The following DNMBP variants were observed in gnomAD, a reference collection of about 807,000 sequenced individuals.
DNMBP encodes the protein dynamin binding protein.
In DNMBP, 87 loss-of-function variants were observed where a neutral mutation model predicts 150.0. That is an observed-to-expected ratio of 0.58 (90% CI 0.49 to 0.69). The LOEUF (loss-of-function observed/expected upper bound fraction) is 0.69. Ranked by LOEUF, DNMBP falls within the 30% of genes least tolerant of loss-of-function variation. The pLI, the probability that DNMBP is intolerant of heterozygous loss-of-function variation, is 0.00. For synonymous variants in DNMBP, 711 were observed against 750.4 expected (o/e 0.95, Z 0.86); for missense variants, 1,774 against 1,949.0 (o/e 0.91, Z 1.69).
intron 15 of DNMBP, 31 bp downstream of exon 15, chr10:99,883,980 G>T: frequency 1.3e-6 from 2 of 1,581,666 alleles, no homozygotes; most frequent in Admixed American, 1.8e-5. Context: ...TTTTTTTCCA[G>T]TTACAGTCCT....
intron 4 of DNMBP, chr10:99,931,040 G>C (rs1020795978): frequency 5.9e-6 from 2 of 340,454 alleles, no homozygotes; most frequent in Admixed American, 4.7e-5. Flanking sequence ...GCTTTGTTTG[G>C]TGTTTCCCTC....
chr10:99,893,703 G>A (rs922443153), intron 11 of DNMBP, among the ~76,000 whole-genome samples: 3 of 152,182 alleles, frequency 2.0e-5, no homozygotes, highest in African/African-American at 7.2e-5. Context: ...CTCTAGCCTG[G>A]CGAGAGTGAG....
Position 99,955,236 on chromosome 10 carries a change from A to G in DNMBP, c.2238T>C (p.Asn746=), listed in dbSNP as rs1417050518. ...KFCESNIESL[N]MELQQLREMT... ...TACCTCTTAGTTGCTGGAGTTCCAT[A>G]TTCAAACTTTCAATGTTACTTTCAC... The change falls in exon 4 of 17, where the codon AAT becomes AAC. Residue 746 remains asparagine (N), a synonymous_variant. Coordinates refer to ENST00000324109, the MANE Select transcript of DNMBP (RefSeq NM_015221.4). The G allele has an allele frequency of 6.2e-7, 1 of 1,613,546 alleles. No homozygotes were observed. Among genetic ancestry groups the G allele is most frequent in the Non-Finnish European group, 8.5e-7 (1 of 1,179,746 alleles).
In DNMBP at chr10:99,877,087, GCCGCCAGAACCCT is replaced by G; in HGVS notation, c.*51_*63del. 3 of 1,384,636 alleles carry G rather than the reference GCCGCCAGAACCCT, an allele frequency of 2.2e-6. No individual in the cohort carries two copies. Among genetic ancestry groups the G allele is most frequent in the Admixed American group, 2.6e-5 (1 of 39,000 alleles). 85.8% of individuals were successfully genotyped at this position (1,384,636 alleles called of 1,614,324 possible). A position where few individuals can be genotyped will look rare whatever the true frequency, so the allele number is the denominator to read the frequency against. On this transcript the variant is annotated 3_prime_UTR_variant, in exon 17 of 17. Transcript: ENST00000324109. ...TCAGGAGCAGGCGCCCTCTCGGTGGGCCGCCAGAACCCTCGGCGGACTGAAAGCAAAGGCAGCA... is the reference window on the plus strand; with the variant it reads ...TCAGGAGCAGGCGCCCTCTCGGTGGGCGGCGGACTGAAAGCAAAGGCAGCA...
At chr10:99,964,135 C>CTTTTTTTTTT (rs895801002) in intron 3 of DNMBP, among the ~76,000 whole-genome samples, 10 of 87,224 alleles carry the variant, frequency 1.1e-4, no homozygotes, top group African/African-American at 2.9e-4. Context: ...TATTCTCTCT[C>CTTTTTTTTTT]TTTTTTTTTT....
chr10:99,922,407 T>A (rs189002646), intron 4 of DNMBP, among the ~76,000 whole-genome samples: 1 of 150,760 alleles, frequency 6.6e-6, no homozygotes, highest in East Asian at 2.0e-4. Context: ...GCCTGGGGTC[T>A]CCCCAGACCA....
At chr10:99,889,147 G>A (rs1161877219) in intron 11 of DNMBP, 194 bp from the exon 12 acceptor site, 1 of 574,492 alleles carries the variant, frequency 1.7e-6, no homozygotes, top group Non-Finnish European at 3.0e-6. Context: ...GAAAGGCTAA[G>A]ACTTTTAATT....
At chr10:99,980,724 G>A (rs988242896) in intron 1 of DNMBP, among the ~76,000 whole-genome samples, 1 of 151,886 alleles carries the variant, frequency 6.6e-6, no homozygotes, top group African/African-American at 2.4e-5. Flanking sequence ...AGGGTTGCTT[G>A]AGCCCAGGAG....
chr10:100,006,927 G>C (rs912085905), intron 1 of DNMBP, among the ~76,000 whole-genome samples: 1 of 152,004 alleles, frequency 6.6e-6, no homozygotes, highest in Non-Finnish European at 1.5e-5. Context: ...CAGCCTGAGC[G>C]ACATAGTGAA....
chr10:99,897,180 C>T (rs926840363), intron 9 of DNMBP, among the ~76,000 whole-genome samples: 33 of 152,146 alleles, frequency 2.2e-4, no homozygotes, highest in African/African-American at 7.0e-4. Flanking sequence ...AGCACAGTCA[C>T]TGTGCTATAT....
In DNMBP at chr10:99,885,767, C is replaced by A; in HGVS notation, c.3718G>T (p.Glu1240Ter). Residue 1240 changes from glutamate to a stop codon, truncating the protein, a stop_gained, in exon 14 of 17, where the codon GAG becomes TAG. Transcript: ENST00000324109. LOFTEE classifies it high-confidence loss of function. ...GGCTTCTTGGTAGCTGGAAGAGACT[C>A]CGGGAAGAAGGTAAAAACCTGGAGT... ...QQLQVFTFFP[E>*]SLPATKKPFE... is the part of the protein sequence containing the mutation. The A allele has an allele frequency of 1.2e-6, 2 of 1,608,308 alleles. No homozygotes were observed. Among genetic ancestry groups the A allele is most frequent in the Non-Finnish European group, 1.7e-6 (2 of 1,177,046 alleles).
intron 1 of DNMBP, among the ~76,000 whole-genome samples, chr10:99,977,720 C>A (rs907045149): frequency 6.6e-6 from 1 of 152,136 alleles, no homozygotes; most frequent in African/African-American, 2.4e-5. Context: ...GATGAACAAA[C>A]GATTTGTTGA....
In DNMBP at chr10:99,955,596, C is replaced by T. The variant is rs1399487448; in HGVS notation, c.1878G>A (p.Leu626=). 1.2e-6 allele frequency: 2 copies of T among 1,613,350 alleles called. No individual in the cohort carries two copies. The highest frequency in any genetic ancestry group is 2.2e-5 in the East Asian group (1 of 44,852). ...CTPVSTSPHL[L]VDQNLKPAPP... ...GTGCAGGTTTTAGGTTCTGGTCAAC[C>T]AGCAAATGGGGAGAAGTGGATACCG... Residue 626 remains leucine (L), a synonymous_variant, in exon 4 of 17, where the codon CTG becomes CTA. Coordinates refer to ENST00000324109, the MANE Select transcript of DNMBP (RefSeq NM_015221.4).
intron 4 of DNMBP, among the ~76,000 whole-genome samples, chr10:99,910,703 A>C (rs2039888602): frequency 6.6e-6 from 1 of 152,196 alleles, no homozygotes; most frequent in African/African-American, 2.4e-5. Context: ...GTGAAGAAGT[A>C]CTCAACAACA....
At chr10:99,891,247 T>C (rs1394420123) in intron 11 of DNMBP, among the ~76,000 whole-genome samples, 2 of 139,538 alleles carry the variant, frequency 1.4e-5, no homozygotes, top group Non-Finnish European at 3.0e-5. Context: ...AAAGCTGGAC[T>C]GTACTGCTGC....
chr10:99,903,137 C>T (rs1377448149), intron 6 of DNMBP, among the ~76,000 whole-genome samples: 4 of 143,906 alleles, frequency 2.8e-5, no homozygotes, highest in Non-Finnish European at 4.5e-5. Context: ...AACGAGGTCT[C>T]ACTATGTTGC....
rs531050328 is a variant in DNMBP at position 99,892,199 on chromosome 10, C to T, written c.3156+2747G>A. On this transcript the variant is annotated intron_variant, in intron 11 of 16. Coordinates refer to ENST00000324109, the MANE Select transcript of DNMBP (RefSeq NM_015221.4). ...GGGGTCAGCCCCCTGCCCGGCCAGCCGCCCCGTCCGGGAGGTGAGGGGCGC... is the reference window on the plus strand; with the variant it reads ...GGGGTCAGCCCCCTGCCCGGCCAGCTGCCCCGTCCGGGAGGTGAGGGGCGC... Among the ~76,000 whole-genome samples the T allele has an allele frequency of 5.4e-3, 789 of 147,162 alleles. 5 individuals are homozygous for T. The highest frequency in any genetic ancestry group is 0.018 in the African/African-American group (687 of 38,196).
At chr10:99,996,183 C>T (rs903420588) in intron 1 of DNMBP, among the ~76,000 whole-genome samples, 63 of 152,140 alleles carry the variant, frequency 4.1e-4, no homozygotes, top group Non-Finnish European at 1.2e-4. Flanking sequence ...AAGCCTGAAT[C>T]CCACCTATGG....
rs1262374200 is a variant in DNMBP at position 99,876,984 on chromosome 10, A to G, written c.*167T>C. 5.4e-6 allele frequency: 3 copies of G among 557,262 alleles called. No individual in the cohort carries two copies. Among genetic ancestry groups the G allele is most frequent in the Non-Finnish European group, 9.2e-6 (3 of 324,332 alleles). The allele number at this position is 557,262 out of a possible 1,614,324, so 34.5% of individuals were successfully genotyped here. A position where few individuals can be genotyped will look rare whatever the true frequency, so the allele number is the denominator to read the frequency against. On this transcript the variant is annotated 3_prime_UTR_variant, in exon 17 of 17. Coordinates refer to ENST00000324109, the MANE Select transcript of DNMBP (RefSeq NM_015221.4). ...GAGATTCTAGTGAGCATCAAGGTTTACAACCCAATCGAGGAGAACAAGATC... is the reference window on the plus strand; with the variant it reads ...GAGATTCTAGTGAGCATCAAGGTTTGCAACCCAATCGAGGAGAACAAGATC...
Sources: gnomAD v4.1 joint callset for allele counts (sites outside exome capture counted in the v4.1 genomes callset) on GRCh38, gnomAD v4.1.1 for gene constraint, MANE v1.5 for transcripts, NCBI Gene and HGNC (gene_info 2026-07-23, HGNC 2026-07-21) for gene names.